Variants in OSBPL3 observed in about 807,000 individuals in gnomAD.
OSBPL3 encodes oxysterol-binding protein-related protein 3.
Under a neutral mutation model 120.1 loss-of-function variants are expected in OSBPL3, and 65 were observed. That is an observed-to-expected ratio of 0.54 (90% CI 0.44 to 0.67). The LOEUF is 0.67. Among genes scored for constraint, OSBPL3 ranks in the 30% least tolerant of loss-of-function variants. OSBPL3 has a pLI of 0.00. For synonymous variants in OSBPL3, 416 were observed against 402.6 expected, an observed-to-expected ratio of 1.03 and a Z score of -0.40; for missense variants, 1,004 against 1,082.1, an observed-to-expected ratio of 0.93 and a Z score of 1.01.
At chr7:24,850,739 G>A (rs1338031605) in intron 11 of OSBPL3, among the ~76,000 whole-genome samples, 2 of 152,194 alleles carry the variant, frequency 1.3e-5, no homozygotes, top group Non-Finnish European at 2.9e-5. Flanking sequence ...CCTGAAAATT[G>A]TGCTATTTTA....
chr7:24,942,334 C>G (rs942139907), intron 1 of OSBPL3, among the ~76,000 whole-genome samples: 8 of 152,126 alleles, frequency 5.3e-5, no homozygotes, highest in African/African-American at 1.9e-4. Context: ...GCTAAGGGCC[C>G]CCACACCTGA....
At chr7:24,962,395 A>T in intron 1 of OSBPL3, among the ~76,000 whole-genome samples, 1 of 103,242 alleles carries the variant, frequency 9.7e-6, no homozygotes, top group Admixed American at 1.2e-4. Context: ...GGGAGGGGGG[A>T]GGGGAGGGCA....
intron 1 of OSBPL3, among the ~76,000 whole-genome samples, chr7:24,905,372 G>A (rs1026803007): frequency 1.1e-4 from 16 of 152,110 alleles, no homozygotes; most frequent in African/African-American, 1.4e-4. Flanking sequence ...CAGATGAGGG[G>A]ACTGAATGAC....
Position 24,865,431 on chromosome 7 carries a change from G to A in OSBPL3, c.584C>T (p.Thr195Ile). 1 of 1,613,524 alleles carries A rather than the reference G, an allele frequency of 6.2e-7. No individual in the cohort carries two copies. Among genetic ancestry groups the A allele is most frequent in the Non-Finnish European group, 8.5e-7 (1 of 1,179,482 alleles). Residue 195 changes from threonine (T) to isoleucine (I), a missense_variant, in exon 7 of 23, where the codon ACT (threonine) becomes ATT (isoleucine). Coordinates refer to ENST00000313367, the MANE Select transcript of OSBPL3 (RefSeq NM_015550.4). The part of the protein sequence containing the change: ...SSISKQNLFQ[T>I]GSNVSFSCGG... The stretch of plus-strand genomic sequence containing the variant: ...ACAAGAAAATGATACATTGCTTCCA[G>A]TTTGAAATAAATTCTGCTTTGATAT...
intron 12 of OSBPL3, among the ~76,000 whole-genome samples, chr7:24,848,660 G>A (rs1171864531): frequency 6.6e-6 from 1 of 152,150 alleles, no homozygotes; most frequent in Non-Finnish European, 1.5e-5. Flanking sequence ...AACAGCCACA[G>A]AGAAAGGGTT....
chr7:24,812,928 G>C (rs1213291898), intron 19 of OSBPL3, among the ~76,000 whole-genome samples: 1 of 152,196 alleles, frequency 6.6e-6, no homozygotes, highest in Non-Finnish European at 1.5e-5. Context: ...CCCCAGAGTA[G>C]AGTGCAGTGG....
intron 1 of OSBPL3, among the ~76,000 whole-genome samples, chr7:24,910,653 G>T (rs948314512): frequency 6.6e-6 from 1 of 152,226 alleles, no homozygotes; most frequent in African/African-American, 2.4e-5. Context: ...GAGATAAGAT[G>T]TCACAAATGA....
chr7:24,804,495 A>C lies in OSBPL3; in HGVS notation c.2445-58T>G. On this transcript the variant is annotated intron_variant, in intron 21 of 22. Coordinates refer to ENST00000313367, the MANE Select transcript of OSBPL3 (RefSeq NM_015550.4). This position sits in a 1 kb window ranked among gnomAD's most constrained non-coding sequence, Gnocchi z 5.4. ...ATGAATTCAAGAAAACAAAACAATC[A>C]TTACTACTCAACTTGCATGTGTCCA... is the stretch of plus-strand genomic sequence containing the variant. The C allele has an allele frequency of 4.6e-6, 7 of 1,533,956 alleles. No homozygotes were observed. Among genetic ancestry groups the C allele is most frequent in the Non-Finnish European group, 6.2e-6 (7 of 1,120,404 alleles).
In OSBPL3 at chr7:24,834,705, C is replaced by G; in HGVS notation, c.1527G>C (p.Lys509Asn). ...CCGGCAGGCACGTTCTTCTCCGGGA[C>G]TTCGCTTCCCGACCACTATCAAGGA... Reference protein sequence around the residue: ...GPVLDSGREAKSRRRTCLPAP... With the variant: ...GPVLDSGREANSRRRTCLPAP... The change falls in exon 15 of 23, where the codon AAG becomes AAC. Residue 509 changes from lysine (K) to asparagine (N), a missense_variant. Physicochemically the swap from Lys to Asn is moderately conservative, Grantham distance 94 (BLOSUM62 0). Coordinates refer to ENST00000313367, the MANE Select transcript of OSBPL3 (RefSeq NM_015550.4). This position sits in a 1 kb window ranked among gnomAD's most constrained non-coding sequence, Gnocchi z 5.2. 6.2e-7 allele frequency: 1 copy of G among 1,612,840 alleles called. No individual in the cohort carries two copies. The highest frequency in any genetic ancestry group is 1.1e-5 in the South Asian group (1 of 90,916).
chr7:24,872,021 G>A lies in OSBPL3; in HGVS notation c.145C>T (p.Gln49Ter). ...EGLRGEMNYT[Q>*]EPPVQKGFLL... The stretch of plus-strand genomic sequence containing the variant: ...AATCCTTTCTGAACTGGTGGCTCCT[G>A]GGTGTAATTCATCTCCCCCCTCAGT... Residue 49 changes from glutamine (Q) to a stop codon, truncating the protein, a stop_gained, in exon 3 of 23, where the codon CAG becomes TAG. Coordinates refer to ENST00000313367, the MANE Select transcript of OSBPL3 (RefSeq NM_015550.4). LOFTEE classifies it high-confidence loss of function. This position sits in a 1 kb window ranked among gnomAD's most constrained non-coding sequence, Gnocchi z 4.1. 2 of 1,613,932 alleles carry A rather than the reference G, an allele frequency of 1.2e-6. No individual in the cohort carries two copies. The highest frequency in any genetic ancestry group is 1.7e-6 in the Non-Finnish European group (2 of 1,179,894).
At position 24,959,915 on chromosome 7, in the gene OSBPL3, T is replaced by C. The variant is rs1482907142; in HGVS notation, c.-150+19971A>G. Among the ~76,000 whole-genome samples, 1 of 152,138 alleles carries C rather than the reference T, an allele frequency of 6.6e-6. No homozygotes were observed. The highest frequency in any genetic ancestry group is 6.6e-5 in the Admixed American group (1 of 15,262). On this transcript the variant is annotated intron_variant, in intron 1 of 22. Transcript: ENST00000313367. This position sits in a 1 kb window ranked among gnomAD's most constrained non-coding sequence, Gnocchi z 4.3. Reference sequence around the variant, plus strand: ...GAAACAATGCATGAGTCACAAATGGTATTCAAATTTTTTGATTAAGAATAA... The same window carrying C: ...GAAACAATGCATGAGTCACAAATGGCATTCAAATTTTTTGATTAAGAATAA...
Position 24,896,762 on chromosome 7 carries a change from T to C in OSBPL3, c.-149-4141A>G, listed in dbSNP as rs1002421170. 6.6e-5 allele frequency among the ~76,000 whole-genome samples: 10 copies of C among 152,154 alleles called. No homozygotes were observed. Among genetic ancestry groups the C allele is most frequent in the Admixed American group, 5.9e-4 (9 of 15,276 alleles). On this transcript the variant is annotated intron_variant, in intron 1 of 22. Coordinates refer to ENST00000313367, the MANE Select transcript of OSBPL3 (RefSeq NM_015550.4). The surrounding 1 kb of genome is among the most constrained non-coding windows in gnomAD (Gnocchi z 4.4). ...TCCTGTATAAAATGGGGAATAATAATAGCCACCCCAGAAAATTAGAAGGAT... is the reference window on the plus strand; with the variant it reads ...TCCTGTATAAAATGGGGAATAATAACAGCCACCCCAGAAAATTAGAAGGAT...
chr7:24,944,601 T>C (rs1002284681), intron 1 of OSBPL3, among the ~76,000 whole-genome samples: 1 of 150,592 alleles, frequency 6.6e-6, no homozygotes, highest in Middle Eastern at 3.5e-3. Context: ...CTGCACTCCA[T>C]CTTGGGTGAA....
rs554634298 is a variant in OSBPL3 at position 24,798,236 on chromosome 7, G to T, written c.*1947C>A. 6.6e-6 allele frequency: 1 copy of T among 152,194 alleles called. No individual in the cohort carries two copies. Among genetic ancestry groups the T allele is most frequent in the Non-Finnish European group, 1.5e-5 (1 of 68,030 alleles). 9.4% of individuals were successfully genotyped at this position (152,194 alleles called of 1,614,324 possible). On this transcript the variant is annotated 3_prime_UTR_variant, in exon 23 of 23. Coordinates refer to ENST00000313367, the MANE Select transcript of OSBPL3 (RefSeq NM_015550.4). This position sits in a 1 kb window ranked among gnomAD's most constrained non-coding sequence, Gnocchi z 4.6. ...TCCAAATGCCACATGACAGTGCTAC[G>T]TCCATTCAGGCTGTGCATTTTGTTT...
Position 24,804,246 on chromosome 7 carries a change from C to A in OSBPL3, c.2567+69G>T. The A allele has an allele frequency of 8.2e-6, 13 of 1,592,390 alleles. No individual in the cohort carries two copies. Among genetic ancestry groups the A allele is most frequent in the Non-Finnish European group, 1.1e-5 (13 of 1,161,624 alleles). Reference sequence around the variant, plus strand: ...ATCTGGGGACAGTACTGTTCACTTTCTGCAAACCAGAAGCATAACGTGCTG... The same window carrying A: ...ATCTGGGGACAGTACTGTTCACTTTATGCAAACCAGAAGCATAACGTGCTG... On this transcript the variant is annotated intron_variant, in intron 22 of 22. Coordinates refer to ENST00000313367, the MANE Select transcript of OSBPL3 (RefSeq NM_015550.4). The surrounding 1 kb of genome is among the most constrained non-coding windows in gnomAD (Gnocchi z 5.4).
In OSBPL3 at chr7:24,894,063, A is replaced by C. The variant is rs1243973633; in HGVS notation, c.-149-1442T>G. On this transcript the variant is annotated intron_variant, in intron 1 of 22. Transcript: ENST00000313367. This position sits in a 1 kb window ranked among gnomAD's most constrained non-coding sequence, Gnocchi z 4.1. ...AATTATAAAAAGAAGAGTATCATAT[A>C]TTTGTCTAGGAACCAGCTAGTTAAC... is the stretch of plus-strand genomic sequence containing the variant. Among the ~76,000 whole-genome samples the C allele has an allele frequency of 2.0e-5, 3 of 152,164 alleles. No homozygotes were observed. Among genetic ancestry groups the C allele is most frequent in the Non-Finnish European group, 2.9e-5 (2 of 68,050 alleles).
rs533316155 is a variant in OSBPL3 at position 24,881,514 on chromosome 7, T to A, written c.97-9445A>T. Among the ~76,000 whole-genome samples, 1 of 152,220 alleles carries A rather than the reference T, an allele frequency of 6.6e-6. No individual in the cohort carries two copies. The highest frequency in any genetic ancestry group is 2.4e-5 in the African/African-American group (1 of 41,536). On this transcript the variant is annotated intron_variant, in intron 2 of 22. Coordinates refer to ENST00000313367, the MANE Select transcript of OSBPL3 (RefSeq NM_015550.4). This position sits in a 1 kb window ranked among gnomAD's most constrained non-coding sequence, Gnocchi z 4.3. ...AGCTAACATACATTACAAATGTTAATAAAAGGGATACCACAAGGTTGAAAA... is the reference window on the plus strand; with the variant it reads ...AGCTAACATACATTACAAATGTTAAAAAAAGGGATACCACAAGGTTGAAAA...
rs760806807 is a variant in OSBPL3 at position 24,830,771 on chromosome 7, T to C, written c.1881A>G (p.Glu627=). The C allele has an allele frequency of 1.2e-6, 2 of 1,609,828 alleles. No individual in the cohort carries two copies. Among genetic ancestry groups the C allele is most frequent in the Admixed American group, 3.4e-5 (2 of 58,742 alleles). The change falls in exon 16 of 23, where the codon GAA becomes GAG. Residue 627 remains glutamate, a synonymous_variant. Coordinates refer to ENST00000313367, the MANE Select transcript of OSBPL3 (RefSeq NM_015550.4). This position sits in a 1 kb window ranked among gnomAD's most constrained non-coding sequence, Gnocchi z 4.4. ...REDKGFQFFS[E]QVSHHPPISA... is the part of the protein sequence containing the mutation. ...GCAAAAAATGGTGTACATCTACCTG[T>C]TCTGAAAAAAACTGGAAGCCCTTGT... is the stretch of plus-strand genomic sequence containing the variant.
In OSBPL3 at chr7:24,933,592, G is replaced by A. The variant is rs756282339; in HGVS notation, c.-149-40971C>T. On this transcript the variant is annotated intron_variant, in intron 1 of 22. Transcript: ENST00000313367. This position sits in a 1 kb window ranked among gnomAD's most constrained non-coding sequence, Gnocchi z 5.1. ...AAACACTTAAATCATTAATATTTCCGATTATGCTTCCATTCCCAAGAAAAA... is the reference window on the plus strand; with the variant it reads ...AAACACTTAAATCATTAATATTTCCAATTATGCTTCCATTCCCAAGAAAAA... Among the ~76,000 whole-genome samples the A allele has an allele frequency of 4.6e-5, 7 of 152,220 alleles. No individual in the cohort carries two copies. The highest frequency in any genetic ancestry group is 1.2e-4 in the African/African-American group (5 of 41,518).
Sources: allele counts gnomAD v4.1 joint callset (sites outside exome capture counted in the v4.1 genomes callset), GRCh38; gene constraint gnomAD v4.1.1; non-coding constraint Gnocchi (gnomAD v3.1); transcripts MANE v1.5; gene names NCBI Gene and HGNC (gene_info 2026-07-23, HGNC 2026-07-21).